NOS2: variants seen among roughly 807,000 people sequenced by gnomAD.
The protein encoded by NOS2 is nitric oxide synthase 2.
Under a neutral mutation model 136.0 loss-of-function variants are expected in NOS2, and 96 were observed. The ratio of observed to expected loss-of-function variants is 0.71; its 90% CI spans 0.60 to 0.84. The LOEUF (loss-of-function observed/expected upper bound fraction) is 0.84, where lower values mean the gene tolerates loss of function less well. Ranked by LOEUF, NOS2 falls within the 40% of genes least tolerant of loss-of-function variation. The pLI is 0.00. For missense variants in NOS2, 1,237 were observed against 1,496.9 expected, an observed-to-expected ratio of 0.83 and a Z score of 2.87; for synonymous variants, 539 against 587.5, an observed-to-expected ratio of 0.92 and a Z score of 1.20.
intron 17 of NOS2, 51 bp from the exon 18 acceptor site, chr17:27,767,888 C>T: frequency 1.2e-6 from 2 of 1,606,484 alleles, no homozygotes; most frequent in Non-Finnish European, 1.7e-6. Flanking sequence ...CAGCAGCATC[C>T]CCACCACTGG....
chr17:27,778,716 T>C lies in NOS2; in HGVS notation c.1255A>G (p.Asn419Asp). 1 of 1,614,116 alleles carries C rather than the reference T, an allele frequency of 6.2e-7. No homozygotes were observed. Among genetic ancestry groups the C allele is most frequent in the Non-Finnish European group, 8.5e-7 (1 of 1,179,956 alleles). ...LWKDQAVVEINIAVLHSFQKQ... is the reference protein window; with the variant it reads ...LWKDQAVVEIDIAVLHSFQKQ... ...TGGAAACTATGGAGCACAGCAATGT[T>C]GATCTCAACGACAGCCTGGTCTTTC... The change falls in exon 11 of 27, where the codon AAC becomes GAC. Residue 419 changes from asparagine to aspartate, a missense_variant. This residue lies in a region of NOS2 where 440 missense variants were observed against 545.4 expected (regional missense o/e 0.81). Transcript: ENST00000313735.
At position 27,781,104 on chromosome 17, in the gene NOS2, G is replaced by A. The variant is rs201545022; in HGVS notation, c.796C>T (p.Arg266Cys). ...DFRVWNAQLI[R>C]YAGYQMPDGS... Reference sequence around the variant, plus strand: ...TCTGGCATCTGGTAGCCAGCATAGCGGATGAGCTGAGCATTCCACACCCGG... The same window carrying A: ...TCTGGCATCTGGTAGCCAGCATAGCAGATGAGCTGAGCATTCCACACCCGG... The change falls in exon 8 of 27, where the codon CGC becomes TGC. Residue 266 changes from arginine (R) to cysteine (C), a missense_variant. Arg to Cys is a radical substitution (Grantham distance 180, BLOSUM62 -3). Coordinates refer to ENST00000313735, the MANE Select transcript of NOS2 (RefSeq NM_000625.4). The A allele has an allele frequency of 1.5e-5, 24 of 1,613,460 alleles. No individual in the cohort carries two copies. Among genetic ancestry groups the A allele is most frequent in the East Asian group, 2.2e-5 (1 of 44,894 alleles).
chr17:27,765,466 T>C, intron 20 of NOS2, 69 bp downstream of exon 20: 1 of 1,428,926 alleles, frequency 7.0e-7, no homozygotes, highest in South Asian at 1.4e-5. Flanking sequence ...AGGCCCAGGC[T>C]CAGCCCCTCA....
At chr17:27,767,481 G>A (rs1908342639) in intron 18 of NOS2, among the ~76,000 whole-genome samples, 1 of 152,246 alleles carries the variant, frequency 6.6e-6, no homozygotes, top group African/African-American at 2.4e-5. Flanking sequence ...GCCCTTGGCG[G>A]ATGCTGATCC....
At chr17:27,768,719 A>C (rs1217934988) in intron 17 of NOS2, among the ~76,000 whole-genome samples, 1 of 152,198 alleles carries the variant, frequency 6.6e-6, no homozygotes, top group African/African-American at 2.4e-5. Context: ...TTAAACTAGA[A>C]GCTCCCTAAG....
At chr17:27,796,327 G>A (rs1235540607) in intron 2 of NOS2, among the ~76,000 whole-genome samples, 1 of 152,164 alleles carries the variant, frequency 6.6e-6, no homozygotes, top group Non-Finnish European at 1.5e-5. Context: ...GCACATGCCT[G>A]TAGTCCCAGC....
In NOS2 at chr17:27,788,940, G is replaced by C. The variant is rs774750778; in HGVS notation, c.196-9C>G. The C allele has an allele frequency of 1.4e-5, 22 of 1,611,342 alleles. No individual in the cohort carries two copies. In the South Asian group the frequency reaches 1.8e-4, roughly 13 times the overall value. On this transcript the variant is annotated splice_polypyrimidine_tract_variant and intron_variant, in intron 3 of 26. Coordinates refer to ENST00000313735, the MANE Select transcript of NOS2 (RefSeq NM_000625.4). The stretch of plus-strand genomic sequence containing the variant: ...AGAGATTCTGGAGACTTCTGCAAGG[G>C]GAAAAAACAGGGTTTTCTCTCAGGT...
chr17:27,768,649 T>C (rs535258296), intron 17 of NOS2, among the ~76,000 whole-genome samples: 4 of 152,346 alleles, frequency 2.6e-5, no homozygotes, highest in Non-Finnish European at 4.4e-5. Context: ...TCTATGGCTG[T>C]GAGACTGAAA....
Position 27,759,045 on chromosome 17 carries a change from G to C in NOS2, c.3190C>G (p.Leu1064Val), listed in dbSNP as rs1908024287. 1 of 1,605,434 alleles carries C rather than the reference G, an allele frequency of 6.2e-7. No individual in the cohort carries two copies. Among genetic ancestry groups the C allele is most frequent in the Admixed American group, 1.7e-5 (1 of 58,938 alleles). Residue 1064 changes from leucine to valine, a missense_variant, in exon 26 of 27, where the codon CTG becomes GTG. This residue lies in a region of NOS2 where 782 missense variants were observed against 909.9 expected (regional missense o/e 0.86). Coordinates refer to ENST00000313735, the MANE Select transcript of NOS2 (RefSeq NM_000625.4). The part of the protein sequence containing the change: ...VYVQDILRQQ[L>V]ASEVLRVLHK... ...AGCACACGGAGCACCTCGCTGGCCA[G>C]CTGCTGCCGCAGGATGTCCTGAACA...
intron 4 of NOS2, 109 bp downstream of exon 4, chr17:27,788,700 A>G (rs1460741646): frequency 2.2e-6 from 3 of 1,391,246 alleles, no homozygotes; most frequent in Non-Finnish European, 2.9e-6. Flanking sequence ...CCTTTGCCCA[A>G]GCAGATGATT....
At chr17:27,780,494 T>A (rs540673331) in intron 9 of NOS2, among the ~76,000 whole-genome samples, 2 of 152,288 alleles carry the variant, frequency 1.3e-5, no homozygotes, top group African/African-American at 4.8e-5. Context: ...TCTCCTGCAG[T>A]CACTGCTTCT....
chr17:27,787,905 A>T, intron 4 of NOS2, 79 bp from the exon 5 acceptor site: 1 of 1,447,434 alleles, frequency 6.9e-7, no homozygotes, highest in South Asian at 1.4e-5. Flanking sequence ...TCTCCTGGCC[A>T]CCTGGCTCCT....
Position 27,788,902 on chromosome 17 carries a change from A to AT in NOS2, c.224dup (p.Asp75GlufsTer29). Reference sequence around the variant, plus strand: ...GCCGTGGGGAGGACAATGGGGTTGCATCCAGCTTGACCAGAGATTCTGGAG... The same window carrying AT: ...GCCGTGGGGAGGACAATGGGGTTGCATTCCAGCTTGACCAGAGATTCTGGAG... On this transcript the variant is annotated frameshift_variant, in exon 4 of 27. Transcript: ENST00000313735. LOFTEE classifies it high-confidence loss of function. 6.2e-7 allele frequency: 1 copy of AT among 1,614,160 alleles called. No homozygotes were observed. The highest frequency in any genetic ancestry group is 8.5e-7 in the Non-Finnish European group (1 of 1,180,008).
At chr17:27,780,965 C>T in intron 8 of NOS2, 59 bp from the exon 9 acceptor site, 1 of 1,598,616 alleles carries the variant, frequency 6.3e-7, no homozygotes, top group Non-Finnish European at 8.5e-7. Flanking sequence ...CTCCTCTGGG[C>T]TCCACTCTGT....
intron 21 of NOS2, among the ~76,000 whole-genome samples, chr17:27,763,385 G>A (rs892499348): frequency 6.6e-6 from 1 of 152,206 alleles, no homozygotes; most frequent in Non-Finnish European, 1.5e-5. Flanking sequence ...AGTATTGCCT[G>A]TCTTGTGGGG....
Position 27,771,020 on chromosome 17 carries a change from G to A in NOS2, c.1705-3C>T, listed in dbSNP as rs1908478843. The A allele has an allele frequency of 1.2e-6, 2 of 1,611,958 alleles. No homozygotes were observed. The highest frequency in any genetic ancestry group is 2.2e-5 in the South Asian group (2 of 90,892). On this transcript the variant is annotated splice_polypyrimidine_tract_variant and splice_region_variant and intron_variant, in intron 14 of 26. Coordinates refer to ENST00000313735, the MANE Select transcript of NOS2 (RefSeq NM_000625.4). ...CTGTACTTATCCATGCAGACAACCT[G>A]GATGGCACCCAAGTGGACATCAGCC...
intron 12 of NOS2, 56 bp from the exon 13 acceptor site, chr17:27,773,299 C>G: frequency 8.0e-7 from 1 of 1,242,242 alleles, no homozygotes; most frequent in African/African-American, 1.5e-5. Flanking sequence ...TGGCTCAGCT[C>G]GCGGATGCTG....
Position 27,782,060 on chromosome 17 carries a change from T to G in NOS2, c.677A>C (p.His226Pro), listed in dbSNP as rs781769570. 1 of 1,613,998 alleles carries G rather than the reference T, an allele frequency of 6.2e-7. No homozygotes were observed. Among genetic ancestry groups the G allele is most frequent in the Non-Finnish European group, 8.5e-7 (1 of 1,180,042 alleles). Residue 226 changes from histidine (H) to proline (P), a missense_variant, in exon 7 of 27, where the codon CAC (histidine) becomes CCC (proline). Physicochemically the swap from His to Pro is moderately conservative, Grantham distance 77. Coordinates refer to ENST00000313735, the MANE Select transcript of NOS2 (RefSeq NM_000625.4). ...SCSTAREMFE[H>P]ICRHVRYSTN... ...GGAGTAACGCACGTGTCTGCAGATG[T>G]GTTCAAACATTTCCCGGGCAGTGGA...
chr17:27,780,737 C>T, intron 9 of NOS2, 30 bp downstream of exon 9: 1 of 1,614,138 alleles, frequency 6.2e-7, no homozygotes, highest in South Asian at 1.1e-5. Flanking sequence ...GTTGACTCGC[C>T]CTTGCCCCCA....
Sources: gnomAD v4.1 joint callset for allele counts (sites outside exome capture counted in the v4.1 genomes callset) on GRCh38, gnomAD v4.1.1 for gene constraint, gnomAD v4.1.1 regional missense constraint, MANE v1.5 for transcripts, NCBI Gene and HGNC (gene_info 2026-07-23, HGNC 2026-07-21) for gene names.